Variants in CDH17 observed in about 807,000 individuals in gnomAD.
CDH17 encodes cadherin 17.
A neutral mutation model predicts 86.3 loss-of-function variants in CDH17; 67 were observed. That is an observed-to-expected ratio of 0.78 (90% CI 0.64 to 0.95). CDH17 has a LOEUF of 0.95. Ranked by LOEUF, CDH17 falls within the 40% of genes least tolerant of loss-of-function variation. CDH17 has a pLI of 0.00. For synonymous variants in CDH17, 367 were observed against 366.4 expected, an observed-to-expected ratio of 1.00 and a Z score of -0.02; for missense variants, 993 against 1,017.6, an observed-to-expected ratio of 0.98 and a Z score of 0.33.
chr8:94,149,435 T>G (rs1812816034), intron 13 of CDH17, among the ~76,000 whole-genome samples: 1 of 152,004 alleles, frequency 6.6e-6, no homozygotes, highest in South Asian at 2.1e-4. Context: ...CTTAGGCAAG[T>G]GAGATAGACA....
chr8:94,159,557 A>G (rs1001977218), intron 12 of CDH17, among the ~76,000 whole-genome samples: 1 of 152,118 alleles, frequency 6.6e-6, no homozygotes, highest in Non-Finnish European at 1.5e-5. Context: ...CCACTCCCAG[A>G]CCGTAAGAGT....
intron 10 of CDH17, 58 bp from the exon 11 acceptor site, chr8:94,162,220 A>G: frequency 9.1e-7 from 1 of 1,098,980 alleles, no homozygotes; most frequent in East Asian, 2.4e-5. Context: ...CATTAATATC[A>G]GAAATCTGCA....
At chr8:94,172,234 C>T (rs945692633) in intron 7 of CDH17, among the ~76,000 whole-genome samples, 1 of 151,886 alleles carries the variant, frequency 6.6e-6, no homozygotes, top group Non-Finnish European at 1.5e-5. Flanking sequence ...TTAGTCTAGG[C>T]CCCCAATCAG....
intron 1 of CDH17, among the ~76,000 whole-genome samples, chr8:94,200,209 A>G (rs1045360672): frequency 3.9e-5 from 6 of 152,150 alleles, no homozygotes; most frequent in African/African-American, 1.2e-4. Flanking sequence ...ACACAATACC[A>G]TTCAAGTGTG....
rs535597468 is a variant in CDH17 at position 94,167,623 on chromosome 8, G to A, written c.1067-1647C>T. ...GCCCTTGCAAGAAAAGTATCTGTGT[G>A]CTGGGATGAAAGAGTGTCTTACTAA... is the stretch of plus-strand genomic sequence containing the variant. On this transcript the variant is annotated intron_variant, in intron 9 of 17. Coordinates refer to ENST00000027335, the MANE Select transcript of CDH17 (RefSeq NM_004063.4). Among the ~76,000 whole-genome samples, 3 of 152,298 alleles carry A rather than the reference G, an allele frequency of 2.0e-5. No individual in the cohort carries two copies. The South Asian group carries it at 6.2e-4, about 32-fold the overall frequency.
chr8:94,175,283 T>C (rs1272166540), intron 5 of CDH17, among the ~76,000 whole-genome samples: 1 of 152,142 alleles, frequency 6.6e-6, no homozygotes, highest in Non-Finnish European at 1.5e-5. Context: ...CAGATTCTAT[T>C]AGTGAAGAGA....
chr8:94,168,307 T>TG (rs1813205708), intron 9 of CDH17, among the ~76,000 whole-genome samples: 1 of 146,858 alleles, frequency 6.8e-6, no homozygotes, highest in Admixed American at 6.7e-5. Flanking sequence ...TGCAGTTTTT[T>TG]TTTTTTTTTT....
At chr8:94,190,640 A>G (rs1813670738) in intron 2 of CDH17, among the ~76,000 whole-genome samples, 1 of 152,222 alleles carries the variant, frequency 6.6e-6, no homozygotes, top group Non-Finnish European at 1.5e-5. Flanking sequence ...GGAGCTAGAC[A>G]ATAAAAATAA....
intron 15 of CDH17, among the ~76,000 whole-genome samples, chr8:94,144,521 C>A (rs183850907): frequency 4.0e-5 from 6 of 151,796 alleles, no homozygotes; most frequent in African/African-American, 1.5e-4. Context: ...TATGCCTATA[C>A]AAAAATTACC....
intron 10 of CDH17, among the ~76,000 whole-genome samples, chr8:94,162,390 G>GT (rs1813072512): frequency 6.6e-6 from 1 of 152,152 alleles, no homozygotes; most frequent in Non-Finnish European, 1.5e-5. Context: ...ATTTTTCTAG[G>GT]TTTTTCATTG....
intron 3 of CDH17, among the ~76,000 whole-genome samples, chr8:94,184,206 A>AGTGT (rs60426952): frequency 5.9e-5 from 9 of 151,308 alleles, no homozygotes; most frequent in African/African-American, 1.5e-4. Flanking sequence ...CCTGCTACTG[A>AGTGT]GTGTGTGTGT....
intron 12 of CDH17, among the ~76,000 whole-genome samples, chr8:94,155,689 G>A (rs902567619): frequency 9.2e-5 from 14 of 152,170 alleles, no homozygotes; most frequent in African/African-American, 3.4e-4. Flanking sequence ...CTGAGGAGTT[G>A]GAACTTCATC....
intron 2 of CDH17, among the ~76,000 whole-genome samples, chr8:94,189,759 G>A (rs143599511): frequency 2.9e-4 from 44 of 152,150 alleles, no homozygotes; most frequent in African/African-American, 1.0e-3. Flanking sequence ...AATTTATAAG[G>A]GGGAGAAAGA....
chr8:94,130,958 C>T lies in CDH17; in HGVS notation c.2202G>A (p.Glu734=). ...THARLSTRHT[E]FEEREYVVLI... ...AGACGACATACTCCCTCTCCTCAAACTCTGTGTGCCTGGTAGACAGTCGGG... is the reference window on the plus strand; with the variant it reads ...AGACGACATACTCCCTCTCCTCAAATTCTGTGTGCCTGGTAGACAGTCGGG... The change falls in exon 16 of 18, where the codon GAG becomes GAA. Residue 734 remains glutamate, a synonymous_variant. Coordinates refer to ENST00000027335, the MANE Select transcript of CDH17 (RefSeq NM_004063.4). The T allele has an allele frequency of 6.2e-7, 1 of 1,608,458 alleles. No homozygotes were observed. Among genetic ancestry groups the T allele is most frequent in the Non-Finnish European group, 8.5e-7 (1 of 1,175,236 alleles).
chr8:94,195,199 C>T (rs1813759392), intron 1 of CDH17, among the ~76,000 whole-genome samples: 1 of 152,136 alleles, frequency 6.6e-6, no homozygotes, highest in Admixed American at 6.5e-5. Context: ...GACAGGATTT[C>T]ACCATGGTGA....
chr8:94,160,996 A>C (rs528605414), intron 11 of CDH17, among the ~76,000 whole-genome samples: 1 of 152,310 alleles, frequency 6.6e-6, no homozygotes, highest in East Asian at 1.9e-4. Flanking sequence ...CCCCCAGATT[A>C]TCTCTCTTGG....
intron 15 of CDH17, among the ~76,000 whole-genome samples, chr8:94,134,386 G>A (rs1035617875): frequency 5.3e-5 from 8 of 152,144 alleles, no homozygotes; most frequent in African/African-American, 1.9e-4. Context: ...GTCTTGGGAA[G>A]GGTGTATGTG....
intron 1 of CDH17, among the ~76,000 whole-genome samples, chr8:94,200,063 C>A (rs1586026787): frequency 6.6e-6 from 1 of 152,306 alleles, no homozygotes; most frequent in African/African-American, 2.4e-5. Flanking sequence ...ACAGGAACAT[C>A]CTCACAGCCA....
chr8:94,195,579 G>A (rs1199244550), intron 1 of CDH17, among the ~76,000 whole-genome samples: 1 of 152,064 alleles, frequency 6.6e-6, no homozygotes, highest in Admixed American at 6.6e-5. Context: ...TCTCCTGTCC[G>A]ATATTATTTT....
Sources: allele counts gnomAD v4.1 joint callset (sites outside exome capture counted in the v4.1 genomes callset), GRCh38; gene constraint gnomAD v4.1.1; transcripts MANE v1.5; gene names NCBI Gene and HGNC (gene_info 2026-07-23, HGNC 2026-07-21).